Variants in ADAMTS10 observed in about 807,000 individuals in gnomAD.
The protein encoded by ADAMTS10 is ADAM metallopeptidase with thrombospondin type 1 motif 10.
In ADAMTS10, 48 loss-of-function variants were observed where a neutral mutation model predicts 135.9. The ratio of observed to expected loss-of-function variants is 0.35; its 90% CI spans 0.28 to 0.45. The LOEUF is 0.45. Among genes scored for constraint, ADAMTS10 ranks in the 20% least tolerant of loss-of-function variants. The pLI is 1.00. For missense variants in ADAMTS10, 1,131 were observed against 1,565.2 expected (o/e 0.72, Z 4.68); for synonymous variants, 621 against 647.5 (o/e 0.96, Z 0.62).
chr19:8,591,196 G>A (rs1555738802), intron 15 of ADAMTS10, among the ~76,000 whole-genome samples: 1 of 152,082 alleles, frequency 6.6e-6, no homozygotes, highest in Non-Finnish European at 1.5e-5. Flanking sequence ...GGGGAAGTTG[G>A]GCTGTAAAGG....
Position 8,601,866 on chromosome 19 carries a change from C to T in ADAMTS10, c.593-721G>A, listed in dbSNP as rs1480302221. On this transcript the variant is annotated intron_variant, in intron 5 of 25. Transcript: ENST00000597188. The surrounding 1 kb of genome is among the most constrained non-coding windows in gnomAD (Gnocchi z 4.6). ...GCCAACCTGTTCAGCTACCAGCCTG[C>T]CCCGCTGCCCAAATGTCCAACTGAA... 3.3e-5 allele frequency among the ~76,000 whole-genome samples: 5 copies of T among 152,168 alleles called. No homozygotes were observed. The highest frequency in any genetic ancestry group is 4.4e-5 in the Non-Finnish European group (3 of 68,034).
intron 12 of ADAMTS10, among the ~76,000 whole-genome samples, chr19:8,594,814 T>C (rs1269406608): frequency 2.6e-5 from 4 of 152,172 alleles, no homozygotes; most frequent in Non-Finnish European, 4.4e-5. Flanking sequence ...TCACAGCAGA[T>C]GTTGAGGAGT....
intron 6 of ADAMTS10, among the ~76,000 whole-genome samples, chr19:8,600,615 C>T (rs187453482): frequency 2.6e-5 from 4 of 151,538 alleles, no homozygotes; most frequent in Non-Finnish European, 2.9e-5. Flanking sequence ...TCTCCTGCCT[C>T]GGCCTCCCGA....
Position 8,605,478 on chromosome 19 carries a change from T to C in ADAMTS10, c.89-120A>G, listed in dbSNP as rs2042711469. 1 of 1,468,486 alleles carries C rather than the reference T, an allele frequency of 6.8e-7. No homozygotes were observed. Among genetic ancestry groups the C allele is most frequent in the South Asian group, 1.2e-5 (1 of 81,736 alleles). 91.0% of individuals were successfully genotyped at this position (1,468,486 alleles called of 1,614,324 possible). On this transcript the variant is annotated intron_variant, in intron 3 of 25. Transcript: ENST00000597188. The surrounding 1 kb of genome is among the most constrained non-coding windows in gnomAD (Gnocchi z 7.7). ...CACTGACCCCCGAAATCCAGGGAGTTGGCTGCAAGGCTCCCGCCTATTGAC... is the reference window on the plus strand; with the variant it reads ...CACTGACCCCCGAAATCCAGGGAGTCGGCTGCAAGGCTCCCGCCTATTGAC...
At chr19:8,608,756 G>A (rs1303914720) in intron 1 of ADAMTS10, among the ~76,000 whole-genome samples, 2 of 152,066 alleles carry the variant, frequency 1.3e-5, no homozygotes, top group African/African-American at 4.8e-5. Flanking sequence ...GTCCTCTGAA[G>A]TGAGGCGCTC....
Position 8,585,541 on chromosome 19 carries a change from G to A in ADAMTS10, c.2780C>T (p.Ala927Val), listed in dbSNP as rs782202660. 4 of 1,580,212 alleles carry A rather than the reference G, an allele frequency of 2.5e-6. No homozygotes were observed. The South Asian group carries it at 3.4e-5, about 14-fold the overall frequency. The change falls in exon 23 of 26, where the codon GCA becomes GTA. Residue 927 changes from alanine (A) to valine (V), a missense_variant. By Grantham distance (64) the Ala-to-Val change is moderately conservative. This residue lies in a region of ADAMTS10 where 745 missense variants were observed against 1,056.3 expected (regional missense o/e 0.71). Transcript: ENST00000597188. The part of the protein sequence containing the change: ...AAEEKALDDS[A>V]CPQPRPPVLE... ...TACAGGTGGGCGCGGCTGCGGGCAT[G>A]CGCTGTCGTCCAGCGCCTTCTCCTC...
Position 8,586,361 on chromosome 19 carries a change from G to A in ADAMTS10, c.2513C>T (p.Ser838Leu). Reference sequence around the variant, plus strand: ...GGCCTCACCGCCTGCACACTGGGCCGAGCACTTGGTCCAGGGCGCATAGTG... The same window carrying A: ...GGCCTCACCGCCTGCACACTGGGCCAAGCACTTGGTCCAGGGCGCATAGTG... ...SWHYAPWTKC[S>L]AQCAGGSQVQ... The change falls in exon 21 of 26, where the codon TCG (serine) becomes TTG (leucine). Residue 838 changes from serine to leucine, a missense_variant. Physicochemically the swap from Ser to Leu is moderately radical, Grantham distance 145. Around this residue, in one of 3 missense-constraint regions of ADAMTS10, gnomAD observed 745 missense variants for 1,056.3 expected, o/e 0.71. Transcript: ENST00000597188. 2 of 1,613,718 alleles carry A rather than the reference G, an allele frequency of 1.2e-6. No individual in the cohort carries two copies. The highest frequency in any genetic ancestry group is 1.7e-6 in the Non-Finnish European group (2 of 1,179,932).
At chr19:8,586,025 C>T in intron 22 of ADAMTS10, 97 bp downstream of exon 22, 2 of 1,589,340 alleles carry the variant, frequency 1.3e-6, no homozygotes, top group Non-Finnish European at 8.6e-7. Context: ...TCCGACTCTG[C>T]ACTAATCTGC....
In ADAMTS10 at chr19:8,601,033, G is replaced by A. The variant is rs1243754786; in HGVS notation, c.705C>T (p.Val235=). The change falls in exon 6 of 26, where the codon GTC becomes GTT. Residue 235 remains valine, a synonymous_variant. Transcript: ENST00000597188. This position sits in a 1 kb window ranked among gnomAD's most constrained non-coding sequence, Gnocchi z 4.6. Reference sequence around the variant, plus strand: ...GGGTCTCCACGTAGCGCTCTCGGCTGACCGATCGCTTCAGGCCTGGCTGGC... The same window carrying A: ...GGGTCTCCACGTAGCGCTCTCGGCTAACCGATCGCTTCAGGCCTGGCTGGC... ...ERGQPGLKRS[V]SRERYVETLV... 1 of 1,614,054 alleles carries A rather than the reference G, an allele frequency of 6.2e-7. No homozygotes were observed. The highest frequency in any genetic ancestry group is 1.7e-5 in the Admixed American group (1 of 60,016).
intron 6 of ADAMTS10, 99 bp downstream of exon 6, chr19:8,600,829 T>C: frequency 6.9e-7 from 1 of 1,442,252 alleles, no homozygotes; most frequent in East Asian, 2.3e-5. Context: ...TGTCCCCACG[T>C]CAGGGATTGG....
Position 8,596,175 on chromosome 19 carries a change from C to T in ADAMTS10, c.1235G>A (p.Arg412His), listed in dbSNP as rs375068434. Reference protein sequence around the residue: ...HDGVGNSCGARGQDPAKLMAA... With the variant: ...HDGVGNSCGAHGQDPAKLMAA... Reference sequence around the variant, plus strand: ...CATGAGCTTGGCTGGGTCCTGACCACGGGCCCCACAGCTGTTTCCCACGCC... The same window carrying T: ...CATGAGCTTGGCTGGGTCCTGACCATGGGCCCCACAGCTGTTTCCCACGCC... The change falls in exon 11 of 26, where the codon CGT becomes CAT. Residue 412 changes from arginine to histidine, a missense_variant. Arg to His is a conservative substitution (Grantham distance 29). Coordinates refer to ENST00000597188, the MANE Select transcript of ADAMTS10 (RefSeq NM_030957.4). This position sits in a 1 kb window ranked among gnomAD's most constrained non-coding sequence, Gnocchi z 7.2. 8 of 1,614,144 alleles carry T rather than the reference C, an allele frequency of 5.0e-6. No homozygotes were observed. The highest frequency in any genetic ancestry group is 3.3e-5 in the Admixed American group (2 of 60,022).
intron 12 of ADAMTS10, chr19:8,595,475 G>A: frequency 2.2e-6 from 1 of 463,468 alleles, no homozygotes; most frequent in Non-Finnish European, 4.0e-6. Context: ...GCCCACAGGG[G>A]GTGTGATGTG....
Position 8,601,015 on chromosome 19 carries a change from C to T in ADAMTS10, c.723G>A (p.Val241=). 1 of 1,614,188 alleles carries T rather than the reference C, an allele frequency of 6.2e-7. No homozygotes were observed. Among genetic ancestry groups the T allele is most frequent in the Non-Finnish European group, 8.5e-7 (1 of 1,180,048 alleles). The change falls in exon 6 of 26, where the codon GTG becomes GTA. Residue 241 remains valine (V), a synonymous_variant. Transcript: ENST00000597188. The surrounding 1 kb of genome is among the most constrained non-coding windows in gnomAD (Gnocchi z 4.6). ...TCTTGTCAGCCACCACCAGGGTCTCCACGTAGCGCTCTCGGCTGACCGATC... is the reference window on the plus strand; with the variant it reads ...TCTTGTCAGCCACCACCAGGGTCTCTACGTAGCGCTCTCGGCTGACCGATC... ...LKRSVSRERY[V]ETLVVADKMM...
chr19:8,590,016 A>G (rs782582310), intron 15 of ADAMTS10, 25 bp from the exon 16 acceptor site: 19 of 1,554,438 alleles, frequency 1.2e-5, no homozygotes, highest in Non-Finnish European at 1.7e-5. Flanking sequence ...GGAGAGATGG[A>G]GGGAGGCCAG....
Position 8,595,755 on chromosome 19 carries a change from T to C in ADAMTS10, c.1479+7A>G. The C allele has an allele frequency of 7.1e-7, 1 of 1,411,300 alleles. No homozygotes were observed. The highest frequency in any genetic ancestry group is 9.5e-7 in the Non-Finnish European group (1 of 1,050,782). 87.4% of individuals were successfully genotyped at this position (1,411,300 alleles called of 1,614,324 possible). ...CCCAGGAAGGAAAGCAGGAAGACTC[T>C]CTCTACCCCGTATTTACACTGACGC... On this transcript the variant is annotated splice_region_variant and intron_variant, in intron 12 of 25. Transcript: ENST00000597188.
intron 6 of ADAMTS10, among the ~76,000 whole-genome samples, chr19:8,600,498 T>C (rs2042652048): frequency 7.6e-6 from 1 of 131,942 alleles, no homozygotes; most frequent in Non-Finnish European, 1.5e-5. Flanking sequence ...TTTCTTTCTT[T>C]TCTTTTTTTT....
chr19:8,593,748 G>A (rs543667340), intron 12 of ADAMTS10, among the ~76,000 whole-genome samples: 36 of 151,700 alleles, frequency 2.4e-4, no homozygotes, highest in African/African-American at 8.5e-4. Context: ...AAAGTAGGTG[G>A]TCCTCTCTGA....
Position 8,591,735 on chromosome 19 carries a change from C to A in ADAMTS10, c.1797+65G>T, listed in dbSNP as rs368171557. The A allele has an allele frequency of 3.3e-5, 53 of 1,592,430 alleles. No individual in the cohort carries two copies. In the East Asian group the frequency reaches 5.1e-4, roughly 15 times the overall value. On this transcript the variant is annotated intron_variant, in intron 15 of 25. Coordinates refer to ENST00000597188, the MANE Select transcript of ADAMTS10 (RefSeq NM_030957.4). Reference sequence around the variant, plus strand: ...GATTACAGGCGTGAGCCACGGTGCCCGGCCTCTGATAGCTGTTTTTAATGC... The same window carrying A: ...GATTACAGGCGTGAGCCACGGTGCCAGGCCTCTGATAGCTGTTTTTAATGC...
rs1457892740 is a variant in ADAMTS10, at chr19:8,585,450, G to A, written c.2865+6C>T. On this transcript the variant is annotated splice_donor_region_variant and intron_variant, in intron 23 of 25. Transcript: ENST00000597188. ...CCAGTGGGCGCGAAGGAAGGGGGCG[G>A]CTGACCTCAGACCAGTCGAGGGCCG... 5 of 1,536,900 alleles carry A rather than the reference G, an allele frequency of 3.3e-6. No individual in the cohort carries two copies. Among genetic ancestry groups the A allele is most frequent in the African/African-American group, 1.4e-5 (1 of 72,860 alleles).
Sources: gnomAD v4.1 joint callset for allele counts (sites outside exome capture counted in the v4.1 genomes callset) on GRCh38, gnomAD v4.1.1 for gene constraint, gnomAD v4.1.1 regional missense constraint, Gnocchi (gnomAD v3.1) non-coding constraint, MANE v1.5 for transcripts, NCBI Gene and HGNC (gene_info 2026-07-23, HGNC 2026-07-21) for gene names.